CNOT4: variants seen among roughly 807,000 people sequenced by gnomAD.
CNOT4 encodes the protein CCR4-NOT transcription complex subunit 4, also known as CCR4-associated factor 4.
CNOT4 carries 8 observed loss-of-function variants against 73.8 expected under a neutral mutation model. The observed-to-expected ratio is 0.11, with a 90% CI of 0.06 to 0.20. CNOT4 has a LOEUF of 0.20. CNOT4 is among the 10% of genes least tolerant of loss of function. CNOT4 has a pLI of 1.00. For missense variants in CNOT4, 564 were observed against 883.4 expected (o/e 0.64, Z 4.58); for synonymous variants, 293 against 321.1 (o/e 0.91, Z 0.94).
intron 1 of CNOT4, among the ~76,000 whole-genome samples, chr7:135,456,988 C>A (rs1251951418): frequency 1.3e-5 from 2 of 152,018 alleles, no homozygotes; most frequent in East Asian, 3.8e-4. Flanking sequence ...CAGAAAACTA[C>A]TATAACTACT....
At chr7:135,495,980 T>C (rs537805275) in intron 1 of CNOT4, among the ~76,000 whole-genome samples, 18 of 152,304 alleles carry the variant, frequency 1.2e-4, no homozygotes, top group Admixed American at 7.8e-4. Context: ...GTCTCAAGTT[T>C]TCTCACCTCT....
chr7:135,444,778 A>C, intron 1 of CNOT4: 2 of 1,575,706 alleles, frequency 1.3e-6, no homozygotes, highest in Non-Finnish European at 1.7e-6. Flanking sequence ...GGCCTTGGAC[A>C]AGTTGTTACT....
intron 2 of CNOT4, among the ~76,000 whole-genome samples, chr7:135,427,395 T>A (rs905824691): frequency 6.6e-6 from 1 of 152,164 alleles, no homozygotes; most frequent in South Asian, 2.1e-4. Context: ...CTTATTCTTT[T>A]TCTGATTTCT....
At chr7:135,383,302 A>G (rs1795945645) in intron 10 of CNOT4, among the ~76,000 whole-genome samples, 1 of 152,198 alleles carries the variant, frequency 6.6e-6, no homozygotes, top group African/African-American at 2.4e-5. Flanking sequence ...TACCAAACTC[A>G]TCATACACCA....
intron 1 of CNOT4, among the ~76,000 whole-genome samples, chr7:135,458,995 T>C (rs1459948059): frequency 6.6e-6 from 1 of 152,040 alleles, no homozygotes; most frequent in African/African-American, 2.4e-5. Flanking sequence ...TTTGCCCAGA[T>C]CCATTGGAGG....
rs149338747 is a variant in CNOT4 at position 135,410,510 on chromosome 7, C to T, written c.821+5G>A. 0.017 allele frequency: 25,413 copies of T among 1,498,160 alleles called. 285 individuals carry two copies. Among genetic ancestry groups the T allele is most frequent in the Middle Eastern group, 0.059 (329 of 5,566 alleles). The allele number at this position is 1,498,160 out of a possible 1,614,324, so 92.8% of individuals were successfully genotyped here. On this transcript the variant is annotated splice_donor_5th_base_variant and intron_variant, in intron 7 of 11. Coordinates refer to ENST00000541284, the MANE Select transcript of CNOT4 (RefSeq NM_001190850.2). ...AGATGTCTGACTATCAATATCAATACTTACGTATCGTACCTCTGCAGTGGT... is the reference window on the plus strand; with the variant it reads ...AGATGTCTGACTATCAATATCAATATTTACGTATCGTACCTCTGCAGTGGT...
intron 1 of CNOT4, among the ~76,000 whole-genome samples, chr7:135,458,270 A>C (rs1227447766): frequency 6.6e-6 from 1 of 152,142 alleles, no homozygotes; most frequent in East Asian, 1.9e-4. Context: ...CTAGAAAACA[A>C]TGTATACACC....
chr7:135,457,477 T>C (rs929472746), intron 1 of CNOT4, among the ~76,000 whole-genome samples: 8 of 152,074 alleles, frequency 5.3e-5, no homozygotes, highest in Non-Finnish European at 1.0e-4. Context: ...TACCTTAAAA[T>C]AGTACTATTT....
intron 7 of CNOT4, among the ~76,000 whole-genome samples, chr7:135,407,141 C>T (rs1000236027): frequency 5.3e-5 from 8 of 152,252 alleles, no homozygotes; most frequent in Middle Eastern, 3.4e-3. Flanking sequence ...CTCTTGCTAT[C>T]GCTGTATATG....
At chr7:135,486,996 T>C (rs1372916562) in intron 1 of CNOT4, among the ~76,000 whole-genome samples, 1 of 152,162 alleles carries the variant, frequency 6.6e-6, no homozygotes, top group Non-Finnish European at 1.5e-5. Context: ...GTCAAGATTA[T>C]CCTTCCATTA....
intron 1 of CNOT4, among the ~76,000 whole-genome samples, chr7:135,495,742 GAAAGAAAGAA>G (rs1803515244): frequency 9.6e-6 from 1 of 103,690 alleles, no homozygotes; most frequent in Non-Finnish European, 2.2e-5. Flanking sequence ...AAGAAAGAAA[GAAAGAAAGAA>G]AGAAAGAAAG....
At position 135,393,922 on chromosome 7, in the gene CNOT4, T is replaced by C. The variant is rs1379061369; in HGVS notation, c.1623A>G (p.Val541=). ...AAAGGTTTTAAATGAACCTACCTGC[T>C]ACAGGGATCCCTCCCAGACCTGTGT... ...QHNTGLGGIP[V]ADNSSSVESL... The change falls in exon 10 of 12, where the codon GTA becomes GTG. Residue 541 remains valine (V), a synonymous_variant. Transcript: ENST00000541284. The C allele has an allele frequency of 6.2e-7, 1 of 1,601,888 alleles. No individual in the cohort carries two copies. Among genetic ancestry groups the C allele is most frequent in the South Asian group, 1.1e-5 (1 of 89,730 alleles).
intron 1 of CNOT4, among the ~76,000 whole-genome samples, chr7:135,441,640 C>G (rs1242591075): frequency 6.6e-6 from 1 of 152,064 alleles, no homozygotes; most frequent in African/African-American, 2.4e-5. Context: ...ATTTCTTTAA[C>G]TACAGGTTAT....
chr7:135,409,644 C>G (rs935630559), intron 7 of CNOT4, among the ~76,000 whole-genome samples: 2 of 151,826 alleles, frequency 1.3e-5, no homozygotes, highest in Non-Finnish European at 2.9e-5. Flanking sequence ...TATTTAACAC[C>G]TAGACATTAG....
chr7:135,478,533 C>G (rs1466971430), intron 1 of CNOT4, among the ~76,000 whole-genome samples: 2 of 152,044 alleles, frequency 1.3e-5, no homozygotes, highest in East Asian at 1.9e-4. Context: ...GAGACCCTGT[C>G]TTTACAAAAA....
In CNOT4 at chr7:135,461,320, ATTC is replaced by A. The variant is rs558409929; in HGVS notation, c.-92-22900_-92-22898del. On this transcript the variant is annotated intron_variant, in intron 1 of 11. Coordinates refer to ENST00000541284, the MANE Select transcript of CNOT4 (RefSeq NM_001190850.2). ...AAAAAAGAAATAAGCAATTTTAAAGATTCTTATTAGAATAAATGGTTTTGCTAA... is the reference window on the plus strand; with the variant it reads ...AAAAAAGAAATAAGCAATTTTAAAGATTATTAGAATAAATGGTTTTGCTAA... 2.0e-3 allele frequency among the ~76,000 whole-genome samples: 306 copies of A among 152,256 alleles called. 1 individual carries two copies. Among genetic ancestry groups the A allele is most frequent in the Admixed American group, 0.01 (155 of 15,288 alleles).
At chr7:135,383,961 T>C (rs1282834642) in intron 10 of CNOT4, among the ~76,000 whole-genome samples, 1 of 151,204 alleles carries the variant, frequency 6.6e-6, no homozygotes, top group African/African-American at 2.5e-5. Flanking sequence ...ATTTGCTTTT[T>C]CCACTCCTAT....
Position 135,455,663 on chromosome 7 carries a change from C to T in CNOT4, c.-92-17240G>A, listed in dbSNP as rs189051755. ...GCTGAGGCGGGCAGATTACTTGAGG[C>T]CAGGAGCTCAAGACCAGCCTGGCCA... On this transcript the variant is annotated intron_variant, in intron 1 of 11. Coordinates refer to ENST00000541284, the MANE Select transcript of CNOT4 (RefSeq NM_001190850.2). Among the ~76,000 whole-genome samples, 13 of 151,806 alleles carry T rather than the reference C, an allele frequency of 8.6e-5. No individual in the cohort carries two copies. In the East Asian group the frequency reaches 2.5e-3, roughly 29 times the overall value.
At chr7:135,423,020 C>CGTAG (rs910561658) in intron 2 of CNOT4, among the ~76,000 whole-genome samples, 1 of 152,150 alleles carries the variant, frequency 6.6e-6, no homozygotes, top group Non-Finnish European at 1.5e-5. Context: ...GTCATATGAC[C>CGTAG]TTTCTACCTC....
Sources: allele counts gnomAD v4.1 joint callset (sites outside exome capture counted in the v4.1 genomes callset), GRCh38; gene constraint gnomAD v4.1.1; transcripts MANE v1.5; gene names NCBI Gene and HGNC (gene_info 2026-07-23, HGNC 2026-07-21).